Variants in EPHA3 observed in about 807,000 individuals in gnomAD.
EPHA3 encodes EPH receptor A3, also known as ephrin type-A receptor 3.
A neutral mutation model predicts 107.1 loss-of-function variants in EPHA3; 42 were observed. The ratio of observed to expected loss-of-function variants is 0.39; its 90% CI spans 0.31 to 0.51. The LOEUF is 0.51. EPHA3 is among the 20% of genes least tolerant of loss of function. The pLI, the probability that EPHA3 is intolerant of heterozygous loss-of-function variation, is 0.78. For synonymous variants in EPHA3, 461 were observed against 424.8 expected, an observed-to-expected ratio of 1.09 and a Z score of -1.05; for missense variants, 1,183 against 1,211.2, an observed-to-expected ratio of 0.98 and a Z score of 0.35.
chr3:89,172,707 A>T (rs529383821), intron 2 of EPHA3, among the ~76,000 whole-genome samples: 2 of 152,210 alleles, frequency 1.3e-5, no homozygotes, highest in Non-Finnish European at 2.9e-5. Flanking sequence ...AATGTTGAAA[A>T]GAAAATGTGT....
chr3:89,208,325 G>A lies in EPHA3; in HGVS notation c.154-1535G>A, dbSNP rs758356247. Among the ~76,000 whole-genome samples the A allele has an allele frequency of 4.1e-4, 60 of 147,844 alleles. 1 individual carries two copies. In the Middle Eastern group the frequency reaches 0.01, roughly 26 times the overall value. On this transcript the variant is annotated intron_variant, in intron 2 of 16. Coordinates refer to ENST00000336596, the MANE Select transcript of EPHA3 (RefSeq NM_005233.6). Reference sequence around the variant, plus strand: ...GTGAAGATTGCAGTGAGCTGAGATCGTGCCATTGCACTCTAGCCTGGGCGA... The same window carrying A: ...GTGAAGATTGCAGTGAGCTGAGATCATGCCATTGCACTCTAGCCTGGGCGA...
At chr3:89,445,088 A>G (rs1159628581) in intron 13 of EPHA3, among the ~76,000 whole-genome samples, 2 of 152,134 alleles carry the variant, frequency 1.3e-5, no homozygotes, top group Non-Finnish European at 2.9e-5. Flanking sequence ...CAACATGGCA[A>G]AACCTTGTCT....
At chr3:89,384,058 C>T (rs1191346135) in intron 5 of EPHA3, among the ~76,000 whole-genome samples, 1 of 152,004 alleles carries the variant, frequency 6.6e-6, no homozygotes, top group Non-Finnish European at 1.5e-5. Flanking sequence ...AGTTGTCCCT[C>T]CTCGATCTTT....
intron 1 of EPHA3, among the ~76,000 whole-genome samples, chr3:89,121,228 T>A (rs1416102957): frequency 6.7e-6 from 1 of 150,164 alleles, no homozygotes; most frequent in African/African-American, 2.5e-5. Context: ...AGAGCGAGAC[T>A]CCGTCTCAAA....
intron 5 of EPHA3, among the ~76,000 whole-genome samples, chr3:89,359,975 A>G (rs1284268206): frequency 6.7e-6 from 1 of 149,978 alleles, no homozygotes; most frequent in Non-Finnish European, 1.5e-5. Context: ...ATATCATTTA[A>G]GCCTTAAATC....
chr3:89,476,757 G>A (rs1374229303), intron 16 of EPHA3, among the ~76,000 whole-genome samples: 1 of 151,444 alleles, frequency 6.6e-6, no homozygotes, highest in Admixed American at 6.6e-5. Flanking sequence ...ACAGGCGCCC[G>A]CCACCACGCC....
At chr3:89,338,780 T>G (rs1344437931) in intron 3 of EPHA3, among the ~76,000 whole-genome samples, 1 of 152,066 alleles carries the variant, frequency 6.6e-6, no homozygotes, top group Non-Finnish European at 1.5e-5. Flanking sequence ...ATCTCCTGAC[T>G]TTTATGGTTT....
intron 3 of EPHA3, among the ~76,000 whole-genome samples, chr3:89,328,485 C>T (rs1351999781): frequency 6.6e-6 from 1 of 152,184 alleles, no homozygotes; most frequent in Non-Finnish European, 1.5e-5. Context: ...ATCAATTTCC[C>T]TGTGTGCCTT....
At chr3:89,428,777 C>T (rs1709505230) in intron 11 of EPHA3, among the ~76,000 whole-genome samples, 1 of 151,868 alleles carries the variant, frequency 6.6e-6, no homozygotes, top group African/African-American at 2.4e-5. Context: ...GGCTTGGAGG[C>T]AGAAATATTT....
intron 2 of EPHA3, among the ~76,000 whole-genome samples, chr3:89,191,998 G>A (rs1384124378): frequency 6.6e-5 from 10 of 152,110 alleles, no homozygotes; most frequent in Non-Finnish European, 1.3e-4. Context: ...CCTTTGTCTC[G>A]CCCTAGTGTG....
chr3:89,432,936 A>G (rs1229604700), intron 13 of EPHA3, among the ~76,000 whole-genome samples: 1 of 152,154 alleles, frequency 6.6e-6, no homozygotes, highest in Non-Finnish European at 1.5e-5. Flanking sequence ...TACAATATTC[A>G]ATAATGTCTA....
At chr3:89,415,467 A>AATATATATATATATATATATATATATAT (rs71621548) in intron 10 of EPHA3, among the ~76,000 whole-genome samples, 3 of 131,622 alleles carry the variant, frequency 2.3e-5, no homozygotes, top group Admixed American at 7.7e-5. Flanking sequence ...TTACAGAAAG[A>AATATATATATATATATATATATATATAT]ATATATATAT....
At chr3:89,358,449 C>G (rs1329101461) in intron 5 of EPHA3, among the ~76,000 whole-genome samples, 1 of 151,022 alleles carries the variant, frequency 6.6e-6, no homozygotes, top group African/African-American at 2.4e-5. Context: ...TGACTAAGCC[C>G]TTAGTATGAG....
chr3:89,143,329 G>A (rs757966158), intron 2 of EPHA3, among the ~76,000 whole-genome samples: 13 of 151,390 alleles, frequency 8.6e-5, no homozygotes, highest in South Asian at 2.1e-4. Context: ...ACTAAGTGGC[G>A]TTGAAAGATC....
At chr3:89,422,951 G>T (rs1309374311) in intron 11 of EPHA3, among the ~76,000 whole-genome samples, 1 of 151,318 alleles carries the variant, frequency 6.6e-6, no homozygotes, top group East Asian at 1.9e-4. Context: ...AAAGCGGGGG[G>T]CACAGGCTCT....
intron 3 of EPHA3, among the ~76,000 whole-genome samples, chr3:89,302,919 G>T (rs1233785120): frequency 1.3e-5 from 2 of 151,946 alleles, no homozygotes; most frequent in South Asian, 2.1e-4. Context: ...TTGAGACAGG[G>T]TCTCACTCTG....
At chr3:89,146,432 A>G (rs750935766) in intron 2 of EPHA3, among the ~76,000 whole-genome samples, 1 of 152,020 alleles carries the variant, frequency 6.6e-6, no homozygotes, top group Non-Finnish European at 1.5e-5. Flanking sequence ...TTGGCTGCAT[A>G]AAGTCTTCTT....
intron 5 of EPHA3, among the ~76,000 whole-genome samples, chr3:89,374,434 C>G (rs1303094826): frequency 1.3e-5 from 2 of 151,862 alleles, no homozygotes; most frequent in African/African-American, 4.8e-5. Context: ...ACCATCTCTC[C>G]ACAGTCCTCC....
At chr3:89,444,254 C>T (rs576034022) in intron 13 of EPHA3, among the ~76,000 whole-genome samples, 1 of 152,222 alleles carries the variant, frequency 6.6e-6, no homozygotes, top group Non-Finnish European at 1.5e-5. Flanking sequence ...ACTACTTTTA[C>T]TAGTGTAGAA....
Sources: allele counts gnomAD v4.1 joint callset (sites outside exome capture counted in the v4.1 genomes callset), GRCh38; gene constraint gnomAD v4.1.1; transcripts MANE v1.5; gene names NCBI Gene and HGNC (gene_info 2026-07-23, HGNC 2026-07-21).